KCNQ1: variants seen among roughly 807,000 people sequenced by gnomAD.
KCNQ1 encodes the protein potassium voltage-gated channel subfamily Q member 1, also known as potassium voltage-gated channel subfamily KQT member 1.
A neutral mutation model predicts 72.4 loss-of-function variants in KCNQ1; 49 were observed. That is an observed-to-expected ratio of 0.68 (90% CI 0.54 to 0.86). The LOEUF is 0.86. Ranked by LOEUF, KCNQ1 falls within the 40% of genes least tolerant of loss-of-function variation. The pLI is 0.00. For synonymous variants in KCNQ1, 450 were observed against 412.6 expected (o/e 1.09, Z -1.10); for missense variants, 790 against 945.1 (o/e 0.84, Z 2.15).
At chr11:2,805,757 C>G (rs1476221962) in intron 15 of KCNQ1, among the ~76,000 whole-genome samples, 1 of 152,180 alleles carries the variant, frequency 6.6e-6, no homozygotes, top group Non-Finnish European at 1.5e-5. Context: ...GTGTGGTCTT[C>G]CGTGCTGGGG....
intron 6 of KCNQ1, among the ~76,000 whole-genome samples, chr11:2,577,118 G>C (rs773282629): frequency 2.0e-5 from 3 of 152,226 alleles, no homozygotes; most frequent in Non-Finnish European, 4.4e-5. Context: ...TCCCTGGACC[G>C]AAAGGGCCTC....
chr11:2,658,513 C>A lies in KCNQ1; in HGVS notation c.1394-3448C>A, dbSNP rs1427552434. The stretch of plus-strand genomic sequence containing the variant: ...TAAGCATTTCTTTTCTAGCACTTGA[C>A]AATACTTCAGGCTCATCTTTTATTT... On this transcript the variant is annotated intron_variant, in intron 10 of 15. Transcript: ENST00000155840. This position sits in a 1 kb window ranked among gnomAD's most constrained non-coding sequence, Gnocchi z 4.9. The A allele has an allele frequency of 2.5e-6, 1 of 398,374 alleles. No individual in the cohort carries two copies. The highest frequency in any genetic ancestry group is 4.4e-6 in the Non-Finnish European group (1 of 226,038). The allele number at this position is 398,374 out of a possible 1,614,324, so 24.7% of individuals were successfully genotyped here. A position where few individuals can be genotyped will look rare whatever the true frequency, so the allele number is the denominator to read the frequency against.
At chr11:2,636,675 G>A (rs1429035087) in intron 10 of KCNQ1, 1 of 152,036 alleles carries the variant, frequency 6.6e-6, no homozygotes, top group East Asian at 1.9e-4. Flanking sequence ...GCCAGGCTTT[G>A]GTATCAGGAT....
Position 2,675,823 on chromosome 11 carries a change from C to CACTG in KCNQ1, c.1514+13743_1514+13746dup, listed in dbSNP as rs1417874319. 4.8e-5 allele frequency: 19 copies of CACTG among 398,720 alleles called. No individual in the cohort carries two copies. The Admixed American group carries it at 8.4e-4, about 18-fold the overall frequency. The allele number at this position is 398,720 out of a possible 1,614,324, so 24.7% of individuals were successfully genotyped here. The stretch of plus-strand genomic sequence containing the variant: ...CCAGCCACGTGCATGCAGGGCTGCA[C>CACTG]ACTGCCCTACCGTGCATCCACTGCC... On this transcript the variant is annotated intron_variant, in intron 11 of 15. Transcript: ENST00000155840.
chr11:2,461,296 C>T, intron 1 of KCNQ1: 2 of 680,958 alleles, frequency 2.9e-6, no homozygotes, highest in South Asian at 1.8e-5. Context: ...GATGGCTTCT[C>T]AGGCCGCCTC....
At chr11:2,751,201 C>G (rs907550447) in intron 11 of KCNQ1, among the ~76,000 whole-genome samples, 1 of 152,152 alleles carries the variant, frequency 6.6e-6, no homozygotes, top group African/African-American at 2.4e-5. Flanking sequence ...GGAGGGTCAC[C>G]CTGGTCACCA....
chr11:2,632,098 G>A (rs1298326744), intron 10 of KCNQ1: 3 of 395,810 alleles, frequency 7.6e-6, no homozygotes, highest in Non-Finnish European at 1.3e-5. Flanking sequence ...CAGGAGAATG[G>A]CGTGAACTCG....
At chr11:2,604,663 G>C (rs12293339) in intron 10 of KCNQ1, among the ~76,000 whole-genome samples, 2,081 of 151,564 alleles carry the variant, frequency 0.014, 27 homozygotes, top group Middle Eastern at 0.058. Context: ...CTCTGCCTCA[G>C]CCTCCCAAGT....
chr11:2,557,246 A>T (rs778633913), intron 2 of KCNQ1, among the ~76,000 whole-genome samples: 1 of 152,252 alleles, frequency 6.6e-6, no homozygotes, highest in Non-Finnish European at 1.5e-5. Flanking sequence ...CACTATTAGA[A>T]GACCTGACTG....
Position 2,536,427 on chromosome 11 carries a change from G to A in KCNQ1, c.477+8409G>A, listed in dbSNP as rs1035755622. On this transcript the variant is annotated intron_variant, in intron 2 of 15. Coordinates refer to ENST00000155840, the MANE Select transcript of KCNQ1 (RefSeq NM_000218.3). This position sits in a 1 kb window ranked among gnomAD's most constrained non-coding sequence, Gnocchi z 7.4. ...GTGCCTTGTTGGAGTGGAGGCTGGCGCTGCCCTGCCCCACAGGGTGGCTGG... is the reference window on the plus strand; with the variant it reads ...GTGCCTTGTTGGAGTGGAGGCTGGCACTGCCCTGCCCCACAGGGTGGCTGG... 1.8e-4 allele frequency among the ~76,000 whole-genome samples: 27 copies of A among 152,272 alleles called. No individual in the cohort carries two copies. Among genetic ancestry groups the A allele is most frequent in the Admixed American group, 1.2e-3 (18 of 15,300 alleles).
At chr11:2,729,305 A>G (rs1056547206) in intron 11 of KCNQ1, among the ~76,000 whole-genome samples, 2 of 152,256 alleles carry the variant, frequency 1.3e-5, no homozygotes, top group Admixed American at 1.3e-4. Context: ...CTCGGTGCCC[A>G]CACCTATACA....
At chr11:2,571,662 GA>G (rs1434310385) in intron 4 of KCNQ1, among the ~76,000 whole-genome samples, 1 of 152,084 alleles carries the variant, frequency 6.6e-6, no homozygotes, top group African/African-American at 2.4e-5. Flanking sequence ...GAACTTCCAG[GA>G]CTTGGGTGGT....
chr11:2,691,296 A>C lies in KCNQ1; in HGVS notation c.1514+29215A>C. The C allele has an allele frequency of 2.5e-6, 1 of 398,594 alleles. No homozygotes were observed. Among genetic ancestry groups the C allele is most frequent in the Non-Finnish European group, 4.4e-6 (1 of 226,078 alleles). 24.7% of individuals were successfully genotyped at this position (398,594 alleles called of 1,614,324 possible). On this transcript the variant is annotated intron_variant, in intron 11 of 15. Coordinates refer to ENST00000155840, the MANE Select transcript of KCNQ1 (RefSeq NM_000218.3). The surrounding 1 kb of genome is among the most constrained non-coding windows in gnomAD (Gnocchi z 6.4). Reference sequence around the variant, plus strand: ...TAATCAGGAAGGAGAGCTGACAAGAAAAAGGCGATGTCTCACCCCTGAGCT... The same window carrying C: ...TAATCAGGAAGGAGAGCTGACAAGACAAAGGCGATGTCTCACCCCTGAGCT...
intron 2 of KCNQ1, among the ~76,000 whole-genome samples, chr11:2,557,814 C>A (rs1848094869): frequency 1.3e-5 from 2 of 152,208 alleles, no homozygotes; most frequent in Non-Finnish European, 1.5e-5. Flanking sequence ...GGAGGACTGG[C>A]AAAGAACTTC....
Position 2,451,634 on chromosome 11 carries a change from G to A in KCNQ1, c.386+6150G>A, listed in dbSNP as rs1846120403. 1.3e-5 allele frequency among the ~76,000 whole-genome samples: 2 copies of A among 152,168 alleles called. No homozygotes were observed. The highest frequency in any genetic ancestry group is 6.5e-5 in the Admixed American group (1 of 15,282). On this transcript the variant is annotated intron_variant, in intron 1 of 15. Coordinates refer to ENST00000155840, the MANE Select transcript of KCNQ1 (RefSeq NM_000218.3). This position sits in a 1 kb window ranked among gnomAD's most constrained non-coding sequence, Gnocchi z 6.4. ...GGACTCTCAGGATGAGCCGCCTGGAGTCTGTTGGCATCTGCCTGGCCGCCT... is the reference window on the plus strand; with the variant it reads ...GGACTCTCAGGATGAGCCGCCTGGAATCTGTTGGCATCTGCCTGGCCGCCT...
intron 1 of KCNQ1, among the ~76,000 whole-genome samples, chr11:2,461,203 T>C (rs1846272163): frequency 6.6e-6 from 1 of 152,188 alleles, no homozygotes; most frequent in Non-Finnish European, 1.5e-5. Context: ...TGATCAGGTG[T>C]GTGGGGCTCG....
intron 11 of KCNQ1, chr11:2,684,026 TA>T: frequency 2.5e-6 from 1 of 398,494 alleles, no homozygotes; most frequent in Non-Finnish European, 4.4e-6. Flanking sequence ...CAACATCAGC[TA>T]ACTTCATCCT....
chr11:2,545,994 GT>G (rs2133685870), intron 2 of KCNQ1, among the ~76,000 whole-genome samples: 1 of 151,790 alleles, frequency 6.6e-6, no homozygotes, highest in South Asian at 2.1e-4. Context: ...TTTCTTTTTG[GT>G]TATTTGATTA....
chr11:2,845,749 CCCTGGGCT>C (rs1564915441), intron 15 of KCNQ1, among the ~76,000 whole-genome samples: 2 of 152,164 alleles, frequency 1.3e-5, no homozygotes, highest in Non-Finnish European at 2.9e-5. Context: ...GAAGTGGGTC[CCCTGGGCT>C]CCTGCTCTGG....
Sources: allele counts gnomAD v4.1 joint callset (sites outside exome capture counted in the v4.1 genomes callset), GRCh38; gene constraint gnomAD v4.1.1; non-coding constraint Gnocchi (gnomAD v3.1); transcripts MANE v1.5; gene names NCBI Gene and HGNC (gene_info 2026-07-23, HGNC 2026-07-21).